Variants in PKHD1L1 observed in about 807,000 individuals in gnomAD.
PKHD1L1 encodes the protein PKHD1 like 1.
Under a neutral mutation model 462.9 loss-of-function variants are expected in PKHD1L1, and 434 were observed. The observed-to-expected ratio is 0.94, with a 90% CI of 0.87 to 1.02. PKHD1L1 has a LOEUF of 1.02. Among genes scored for constraint, PKHD1L1 ranks in the 50% least tolerant of loss-of-function variants. The probability of loss-of-function intolerance (pLI) is 0.00; values close to 1 mark genes in which losing one functional copy is unlikely to be tolerated. For missense variants in PKHD1L1, 5,202 were observed against 5,096.1 expected, an observed-to-expected ratio of 1.02 and a Z score of -0.63; for synonymous variants, 1,781 against 1,750.0, an observed-to-expected ratio of 1.02 and a Z score of -0.44.
intron 50 of PKHD1L1, chr8:109,470,866 A>T: frequency 6.6e-7 from 1 of 1,520,656 alleles, no homozygotes; most frequent in Admixed American, 1.7e-5. Context: ...AGGAAAGAAG[A>T]TCCTGAAATG....
At chr8:109,485,269 A>G (rs1222791509) in intron 58 of PKHD1L1, 96 bp downstream of exon 58, 17 of 1,160,974 alleles carry the variant, frequency 1.5e-5, no homozygotes, top group Non-Finnish European at 2.0e-5. Context: ...CATGTCACAA[A>G]TATGTTAAAG....
intron 9 of PKHD1L1, among the ~76,000 whole-genome samples, chr8:109,392,512 A>T (rs1259567807): frequency 6.6e-6 from 1 of 151,686 alleles, no homozygotes; most frequent in Non-Finnish European, 1.5e-5. Flanking sequence ...ATTTTTTTTT[A>T]AAGCCAACAG....
Position 109,515,309 on chromosome 8 carries a change from T to C in PKHD1L1, c.11689+4T>C. The C allele has an allele frequency of 6.4e-7, 1 of 1,550,842 alleles. No homozygotes were observed. The highest frequency in any genetic ancestry group is 8.7e-7 in the Non-Finnish European group (1 of 1,148,136). On this transcript the variant is annotated splice_donor_region_variant and intron_variant, in intron 72 of 77. Coordinates refer to ENST00000378402, the MANE Select transcript of PKHD1L1 (RefSeq NM_177531.6). ...CTTAATAACCATCTGTACAAAGGTATTGTCTCAGAAAAAATACAGTACACA... is the reference window on the plus strand; with the variant it reads ...CTTAATAACCATCTGTACAAAGGTACTGTCTCAGAAAAAATACAGTACACA...
chr8:109,461,727 G>A lies in PKHD1L1; in HGVS notation c.7247-45G>A, dbSNP rs1270697743. ...TATGAGAAAATCTTCAATATAAGAG[G>A]ATTCCGACAATTTTTTTAATGATGC... On this transcript the variant is annotated intron_variant, in intron 47 of 77. Transcript: ENST00000378402. The A allele has an allele frequency of 7.1e-6, 11 of 1,557,574 alleles. No individual in the cohort carries two copies. The Admixed American group carries it at 9.8e-5, about 14-fold the overall frequency.
At chr8:109,385,673 G>T in intron 6 of PKHD1L1, 43 bp downstream of exon 6, 2 of 1,258,786 alleles carry the variant, frequency 1.6e-6, no homozygotes, top group South Asian at 1.4e-5. Context: ...ACTCATAAAT[G>T]AGAAGTAATA....
intron 51 of PKHD1L1, 88 bp from the exon 52 acceptor site, chr8:109,476,420 T>C: frequency 1.1e-6 from 1 of 890,148 alleles, no homozygotes; most frequent in East Asian, 3.0e-5. Context: ...CTTAACATAA[T>C]ATAGGGGCTA....
intron 70 of PKHD1L1, among the ~76,000 whole-genome samples, 186 bp from the exon 71 acceptor site, chr8:109,510,591 T>G (rs1286963590): frequency 6.6e-6 from 1 of 152,142 alleles, no homozygotes; most frequent in African/African-American, 2.4e-5. Flanking sequence ...CTGCCTTCCT[T>G]TTTAAGCCAA....
Position 109,400,167 on chromosome 8 carries a change from C to G in PKHD1L1, c.1104C>G (p.Tyr368Ter). Reference sequence around the variant, plus strand: ...AATACAATGAAAAAACGCCTGGGTACATGGGTGCCAGTTGGGTAGATTCAG... The same window carrying G: ...AATACAATGAAAAAACGCCTGGGTAGATGGGTGCCAGTTGGGTAGATTCAG... ...ILEYNEKTPG[Y>*]MGASWVDSAS... The change falls in exon 13 of 78, where the codon TAC (tyrosine) becomes TAG (stop). Residue 368 changes from tyrosine to a stop codon, truncating the protein, a stop_gained. Transcript: ENST00000378402. LOFTEE classifies it high-confidence loss of function. 1 of 1,613,672 alleles carries G rather than the reference C, an allele frequency of 6.2e-7. No homozygotes were observed. Among genetic ancestry groups the G allele is most frequent in the African/African-American group, 1.3e-5 (1 of 75,008 alleles).
At chr8:109,394,098 C>T (rs907604464) in intron 9 of PKHD1L1, among the ~76,000 whole-genome samples, 3 of 146,098 alleles carry the variant, frequency 2.1e-5, no homozygotes, top group South Asian at 2.2e-4. Flanking sequence ...CCCTCGAACC[C>T]GGGAGGCAAA....
At position 109,466,728 on chromosome 8, in the gene PKHD1L1, T is replaced by C. The variant is rs781667808; in HGVS notation, c.8564T>C (p.Val2855Ala). The C allele has an allele frequency of 5.0e-6, 8 of 1,612,806 alleles. No individual in the cohort carries two copies. The South Asian group carries it at 7.7e-5, about 16-fold the overall frequency. ...TTAGCGTTCAACCAGCCTTCTCCAG[T>C]ATCTCTGCTTGAAAAGGATGTGGTT... ...HRLAFNQPSP[V>A]SLLEKDVVLS... The change falls in exon 50 of 78, where the codon GTA (valine) becomes GCA (alanine). Residue 2855 changes from valine (V) to alanine (A), a missense_variant. Val to Ala is a moderately conservative substitution (Grantham distance 64, BLOSUM62 0). This residue lies in a region of PKHD1L1 where 4,497 missense variants were observed against 4,336.8 expected (regional missense o/e 1.04). Coordinates refer to ENST00000378402, the MANE Select transcript of PKHD1L1 (RefSeq NM_177531.6).
At chr8:109,500,648 T>C (rs1008718722) in intron 67 of PKHD1L1, among the ~76,000 whole-genome samples, 5 of 120,474 alleles carry the variant, frequency 4.2e-5, no homozygotes, top group African/African-American at 1.7e-4. Flanking sequence ...TACTCCAGCC[T>C]GGGCAACAGA....
At chr8:109,476,738 A>T in intron 52 of PKHD1L1, 71 bp downstream of exon 52, 1 of 1,397,222 alleles carries the variant, frequency 7.2e-7, no homozygotes, top group Non-Finnish European at 9.7e-7. Flanking sequence ...ATTGCTTAAT[A>T]AGCAAATGTG....
chr8:109,394,194 A>T lies in PKHD1L1; in HGVS notation c.741-221A>T, dbSNP rs13270894. Among the ~76,000 whole-genome samples the T allele has an allele frequency of 3.2e-4, 46 of 142,212 alleles. 1 individual carries two copies. The highest frequency in any genetic ancestry group is 9.7e-4 in the Admixed American group (13 of 13,458). The allele number at this position is 142,212 out of a possible 152,430, so 93.3% of individuals were successfully genotyped here. ...TCAAAAAAAAAAAAAAAAAAAAAAA[A>T]AAAGAAATCAACTTTATTGAGATAT... On this transcript the variant is annotated intron_variant, in intron 9 of 77. Transcript: ENST00000378402.
intron 27 of PKHD1L1, among the ~76,000 whole-genome samples, 177 bp downstream of exon 27, chr8:109,430,214 A>C (rs1815019794): frequency 6.6e-6 from 1 of 152,182 alleles, no homozygotes; most frequent in East Asian, 1.9e-4. Flanking sequence ...AAAGGGCACT[A>C]ATTATTTATT....
At chr8:109,394,775 A>AG (rs1812887462) in intron 10 of PKHD1L1, among the ~76,000 whole-genome samples, 1 of 152,208 alleles carries the variant, frequency 6.6e-6, no homozygotes, top group Non-Finnish European at 1.5e-5. Context: ...TGGTAGAGGG[A>AG]GGGAAAAAAT....
chr8:109,520,871 G>A (rs201683535), intron 73 of PKHD1L1, among the ~76,000 whole-genome samples: 5 of 152,212 alleles, frequency 3.3e-5, no homozygotes, highest in East Asian at 3.9e-4. Context: ...CATGTCGAAC[G>A]GTCAGCGAGA....
chr8:109,393,383 C>T (rs1299802608), intron 9 of PKHD1L1, among the ~76,000 whole-genome samples: 4 of 151,894 alleles, frequency 2.6e-5, no homozygotes, highest in African/African-American at 4.8e-5. Context: ...TAGTGGAGAA[C>T]GTCTTGAAGG....
rs764630408 is a variant in PKHD1L1, at chr8:109,461,801, G to A, written c.7276G>A (p.Gly2426Arg). The change falls in exon 48 of 78, where the codon GGA becomes AGA. Residue 2426 changes from glycine (G) to arginine (R), a missense_variant. Around this residue, in one of 3 missense-constraint regions of PKHD1L1, gnomAD observed 4,497 missense variants for 4,336.8 expected, o/e 1.04. Coordinates refer to ENST00000378402, the MANE Select transcript of PKHD1L1 (RefSeq NM_177531.6). The stretch of plus-strand genomic sequence containing the variant: ...ATTTGCTACACAGACCTGTCTCCAA[G>A]GAAAGTTTGGAGAAGAAATAGGAAG... ...GEFATQTCLQ[G>R]KFGEEIGSDQ... 48 of 1,609,300 alleles carry A rather than the reference G, an allele frequency of 3.0e-5. No homozygotes were observed. In the Admixed American group the frequency reaches 7.7e-4, roughly 26 times the overall value.
At chr8:109,372,758 A>G (rs1460098485) in intron 2 of PKHD1L1, among the ~76,000 whole-genome samples, 1 of 152,168 alleles carries the variant, frequency 6.6e-6, no homozygotes, top group African/African-American at 2.4e-5. Context: ...ATCTATTGAG[A>G]TAATCATGTG....
Sources: allele counts gnomAD v4.1 joint callset (sites outside exome capture counted in the v4.1 genomes callset), GRCh38; gene constraint gnomAD v4.1.1; regional missense constraint gnomAD v4.1.1; transcripts MANE v1.5; gene names NCBI Gene and HGNC (gene_info 2026-07-23, HGNC 2026-07-21).